Variants in RANBP2 observed in about 807,000 individuals in gnomAD.
RANBP2 encodes RAN binding protein 2, also known as E3 SUMO-protein ligase RanBP2.
RANBP2 carries 57 observed loss-of-function variants against 303.6 expected under a neutral mutation model. The observed-to-expected ratio is 0.19, with a 90% CI of 0.15 to 0.23. The LOEUF (loss-of-function observed/expected upper bound fraction) is 0.23. Among genes scored for constraint, RANBP2 ranks in the 10% least tolerant of loss-of-function variants. The pLI is 1.00. For synonymous variants in RANBP2, 1,167 were observed against 1,301.5 expected (o/e 0.90, Z 2.23); for missense variants, 3,138 against 3,780.8 (o/e 0.83, Z 4.46).
At chr2:109,374,252 CT>C in the RANBP2 span, among the ~76,000 whole-genome samples, 5 of 152,258 alleles carry the variant, frequency 3.3e-5, no homozygotes, top group African/African-American at 1.2e-4. Context: ...CCCACTGCCC[CT>C]CTTGCCCCTT....
At chr2:108,820,682 A>G in the RANBP2 span, among the ~76,000 whole-genome samples, 1 of 144,760 alleles carries the variant, frequency 6.9e-6, no homozygotes, top group Non-Finnish European at 1.5e-5. Context: ...AGGCAGTGGG[A>G]TGATACATTC....
the RANBP2 span, among the ~76,000 whole-genome samples, chr2:109,447,331 T>C: frequency 6.6e-6 from 1 of 152,144 alleles, no homozygotes; most frequent in African/African-American, 2.4e-5. Flanking sequence ...GAAGAAGGCC[T>C]GACTCCCAGA....
At chr2:109,084,809 C>T in the RANBP2 span, among the ~76,000 whole-genome samples, 123 of 152,248 alleles carry the variant, frequency 8.1e-4, no homozygotes, top group African/African-American at 2.8e-3. Context: ...ATATTTTGTT[C>T]GTTTTTTCCA....
chr2:109,431,798 G>A, the RANBP2 span, among the ~76,000 whole-genome samples: 27 of 152,100 alleles, frequency 1.8e-4, no homozygotes, highest in Admixed American at 9.2e-4. Context: ...TTGAGCCCAG[G>A]CCATTGAGGC....
At chr2:109,043,888 C>T in the RANBP2 span, among the ~76,000 whole-genome samples, 1 of 152,114 alleles carries the variant, frequency 6.6e-6, no homozygotes, top group Non-Finnish European at 1.5e-5. Flanking sequence ...CTCAAGCTGG[C>T]CCCCTGGTTA....
At chr2:109,676,371 C>T in the RANBP2 span, among the ~76,000 whole-genome samples, 1 of 152,238 alleles carries the variant, frequency 6.6e-6, no homozygotes, top group Non-Finnish European at 1.5e-5. Context: ...AGTAATTTTG[C>T]AGAGTGCCCT....
the RANBP2 span, among the ~76,000 whole-genome samples, chr2:109,101,416 A>G: frequency 6.6e-6 from 1 of 151,954 alleles, no homozygotes; most frequent in East Asian, 1.9e-4. Context: ...AGTCCCAGCT[A>G]CTCGGGAGGC....
chr2:108,932,254 C>T, the RANBP2 span, among the ~76,000 whole-genome samples: 2 of 152,014 alleles, frequency 1.3e-5, no homozygotes, highest in Admixed American at 6.6e-5. Context: ...AGAGGCTGAG[C>T]GCGGTGGCTC....
At chr2:108,861,864 C>T in the RANBP2 span, among the ~76,000 whole-genome samples, 19 of 152,250 alleles carry the variant, frequency 1.2e-4, no homozygotes, top group African/African-American at 4.3e-4. Flanking sequence ...ACTGTTTTTA[C>T]TGTATCCTAC....
chr2:109,195,886 C>T, the RANBP2 span, among the ~76,000 whole-genome samples: 4 of 152,178 alleles, frequency 2.6e-5, no homozygotes, highest in Non-Finnish European at 5.9e-5. Context: ...CTCGAATTTC[C>T]CTTCCACCTC....
the RANBP2 span, among the ~76,000 whole-genome samples, chr2:109,433,842 A>T: frequency 5.1e-4 from 77 of 152,316 alleles, no homozygotes; most frequent in African/African-American, 1.7e-3. Context: ...CTCAGCAGGG[A>T]AAAGCTTGAG....
At chr2:109,690,841 T>C in the RANBP2 span, among the ~76,000 whole-genome samples, 1 of 152,168 alleles carries the variant, frequency 6.6e-6, no homozygotes, top group Non-Finnish European at 1.5e-5. Flanking sequence ...TTTTTTCCCT[T>C]TGCCCCACCT....
chr2:109,005,871 C>T, the RANBP2 span, among the ~76,000 whole-genome samples: 3 of 152,200 alleles, frequency 2.0e-5, no homozygotes, highest in Non-Finnish European at 4.4e-5. Context: ...TCAACCACAG[C>T]CCAGTTCAGC....
chr2:108,929,261 C>G, the RANBP2 span: 13 of 1,614,140 alleles, frequency 8.1e-6, no homozygotes, highest in Non-Finnish European at 1.1e-5. Context: ...CACGGTGGCC[C>G]GGAAGAAGCC....
chr2:109,202,576 C>T, the RANBP2 span, among the ~76,000 whole-genome samples: 1 of 152,204 alleles, frequency 6.6e-6, no homozygotes, highest in Non-Finnish European at 1.5e-5. Context: ...AGTGATTATT[C>T]TTTAAAAATT....
the RANBP2 span, among the ~76,000 whole-genome samples, chr2:108,832,262 A>G: frequency 6.6e-6 from 1 of 151,630 alleles, no homozygotes; most frequent in Non-Finnish European, 1.5e-5. Context: ...CCTGACCTCA[A>G]GTGATCTGCC....
intron 1 of RANBP2, among the ~76,000 whole-genome samples, chr2:108,721,888 T>C (rs1236886943): frequency 6.6e-6 from 1 of 152,004 alleles, no homozygotes; most frequent in Non-Finnish European, 1.5e-5. Flanking sequence ...ACTACAGGCA[T>C]GTGCCACCAT....
chr2:108,940,709 T>A, the RANBP2 span, among the ~76,000 whole-genome samples: 1 of 152,354 alleles, frequency 6.6e-6, no homozygotes, highest in South Asian at 2.1e-4. Flanking sequence ...CACCACGCGA[T>A]GACGTGGGTC....
the RANBP2 span, among the ~76,000 whole-genome samples, chr2:109,286,965 C>T: frequency 0.024 from 3,693 of 152,300 alleles, 65 homozygotes; most frequent in Non-Finnish European, 0.035. Flanking sequence ...GTTCCGCCAT[C>T]CTCCACAGAC....
Sources: allele counts gnomAD v4.1 joint callset (sites outside exome capture counted in the v4.1 genomes callset), GRCh38; gene constraint gnomAD v4.1.1; transcripts MANE v1.5; gene names NCBI Gene and HGNC (gene_info 2026-07-23, HGNC 2026-07-21).